The following TBC1D19 variants were observed in gnomAD, a reference collection of about 807,000 sequenced individuals.
TBC1D19 encodes the protein TBC1 domain family, member 19.
Under a neutral mutation model 89.0 loss-of-function variants are expected in TBC1D19, and 60 were observed. The ratio of observed to expected loss-of-function variants is 0.67; its 90% CI spans 0.55 to 0.84. The LOEUF (loss-of-function observed/expected upper bound fraction) is 0.84. Among genes scored for constraint, TBC1D19 ranks in the 40% least tolerant of loss-of-function variants. The pLI, the probability that TBC1D19 is intolerant of heterozygous loss-of-function variation, is 0.00. For missense variants in TBC1D19, 500 were observed against 610.8 expected, an observed-to-expected ratio of 0.82 and a Z score of 1.91; for synonymous variants, 189 against 199.7, an observed-to-expected ratio of 0.95 and a Z score of 0.45.
At chr4:26,616,995 A>G (rs1741739390) in intron 3 of TBC1D19, among the ~76,000 whole-genome samples, 2 of 152,220 alleles carry the variant, frequency 1.3e-5, no homozygotes, top group South Asian at 4.1e-4. Context: ...TATGATCACC[A>G]TTTTACAGAA....
chr4:26,732,043 T>C (rs181412458), intron 15 of TBC1D19, among the ~76,000 whole-genome samples: 130 of 152,334 alleles, frequency 8.5e-4, no homozygotes, highest in African/African-American at 3.0e-3. Context: ...TTTTTTCTTC[T>C]TCTTTCTTAT....
chr4:26,826,344 T>C, the TBC1D19 span, among the ~76,000 whole-genome samples: 1 of 152,330 alleles, frequency 6.6e-6, no homozygotes, highest in East Asian at 1.9e-4. Flanking sequence ...AGCTGCTGGA[T>C]ACATATTCAG....
the TBC1D19 span, among the ~76,000 whole-genome samples, chr4:26,799,162 G>A: frequency 1.3e-5 from 2 of 152,266 alleles, no homozygotes; most frequent in South Asian, 4.2e-4. Flanking sequence ...AGAACATAAA[G>A]AGATACCCCA....
At chr4:26,855,617 A>G in the TBC1D19 span, among the ~76,000 whole-genome samples, 1 of 152,246 alleles carries the variant, frequency 6.6e-6, no homozygotes, top group East Asian at 1.9e-4. Context: ...CAGTCCCTGG[A>G]TGGATTTTCC....
At chr4:26,806,203 A>C in the TBC1D19 span, among the ~76,000 whole-genome samples, 1 of 151,830 alleles carries the variant, frequency 6.6e-6, no homozygotes, top group Non-Finnish European at 1.5e-5. Context: ...CAGCCTTCCT[A>C]TAGTTGCTGT....
intron 5 of TBC1D19, among the ~76,000 whole-genome samples, chr4:26,638,214 A>G (rs778393770): frequency 1.3e-5 from 2 of 151,702 alleles, no homozygotes; most frequent in African/African-American, 2.4e-5. Flanking sequence ...CATTCTCCCT[A>G]CCTGCTATTT....
chr4:26,616,621 A>G (rs188812779), intron 3 of TBC1D19, among the ~76,000 whole-genome samples: 5 of 152,336 alleles, frequency 3.3e-5, no homozygotes, highest in Admixed American at 2.0e-4. Flanking sequence ...TAATAGAGGT[A>G]TAGAACACAT....
the TBC1D19 span, among the ~76,000 whole-genome samples, chr4:26,848,046 G>A: frequency 2.0e-5 from 3 of 152,188 alleles, no homozygotes; most frequent in Non-Finnish European, 4.4e-5. Context: ...TAACGGATTT[G>A]GTAGTCATTA....
intron 13 of TBC1D19, among the ~76,000 whole-genome samples, chr4:26,697,461 G>C (rs1233875982): frequency 6.6e-6 from 1 of 152,098 alleles, no homozygotes; most frequent in Non-Finnish European, 1.5e-5. Flanking sequence ...CATTCCTTCT[G>C]AAACTATTCC....
chr4:26,703,123 C>A (rs1356586279), intron 13 of TBC1D19, among the ~76,000 whole-genome samples: 1 of 152,144 alleles, frequency 6.6e-6, no homozygotes, highest in Non-Finnish European at 1.5e-5. Flanking sequence ...TAATGTGGAT[C>A]TCTATCCCCA....
chr4:26,691,710 A>G (rs1714307886), intron 13 of TBC1D19, among the ~76,000 whole-genome samples: 1 of 152,152 alleles, frequency 6.6e-6, no homozygotes, highest in African/African-American at 2.4e-5. Context: ...GAAACCAGAA[A>G]ATTTGTGTGA....
chr4:26,580,469 G>T (rs1203043657), upstream of TBC1D19, among the ~76,000 whole-genome samples: 1 of 152,210 alleles, frequency 6.6e-6, no homozygotes, highest in Non-Finnish European at 1.5e-5. Context: ...AATGTGAAGA[G>T]ACTCTGAAGA....
chr4:26,748,422 C>T lies in TBC1D19; in HGVS notation c.1331C>T (p.Ser444Leu). 6.2e-7 allele frequency: 1 copy of T among 1,612,830 alleles called. No individual in the cohort carries two copies. The highest frequency in any genetic ancestry group is 8.5e-7 in the Non-Finnish European group (1 of 1,179,236). ...REIGAQPLRI[S>L]FKWMVRAFSG... ...TTCCTTGCTTATAGACTTCGCATAT[C>T]ATTTAAGTGGATGGTTCGAGCTTTC... Residue 444 changes from serine (S) to leucine (L), a missense_variant, in exon 19 of 21, where the codon TCA becomes TTA. Around this residue, in one of 2 missense-constraint regions of TBC1D19, gnomAD observed 220 missense variants for 319.1 expected, o/e 0.69. Coordinates refer to ENST00000264866, the MANE Select transcript of TBC1D19 (RefSeq NM_018317.4).
At chr4:26,847,614 G>A in the TBC1D19 span, among the ~76,000 whole-genome samples, 2 of 152,180 alleles carry the variant, frequency 1.3e-5, no homozygotes, top group Admixed American at 1.3e-4. Context: ...TCATGCAGGG[G>A]CCTGTTGATC....
At chr4:26,778,065 G>A in the TBC1D19 span, among the ~76,000 whole-genome samples, 1 of 151,202 alleles carries the variant, frequency 6.6e-6, no homozygotes, top group Non-Finnish European at 1.5e-5. Context: ...AAAAAAAGAA[G>A]GGGAGGGGAA....
intron 3 of TBC1D19, 27 bp downstream of exon 3, chr4:26,614,480 A>G: frequency 6.4e-7 from 1 of 1,554,162 alleles, no homozygotes; most frequent in Non-Finnish European, 8.7e-7. Flanking sequence ...ATTTTACAAT[A>G]GTATTTTGTT....
rs553970703 is a variant in TBC1D19, at chr4:26,634,706, G to C, written c.295-2505G>C. On this transcript the variant is annotated intron_variant, in intron 4 of 20. Transcript: ENST00000264866. ...ATAGTTTTGTGTATACTTTACGGTAGGAAATGATAAAATAGACTACTAGTA... is the reference window on the plus strand; with the variant it reads ...ATAGTTTTGTGTATACTTTACGGTACGAAATGATAAAATAGACTACTAGTA... Among the ~76,000 whole-genome samples, 274 of 152,072 alleles carry C rather than the reference G, an allele frequency of 1.8e-3. 1 individual carries two copies. The highest frequency in any genetic ancestry group is 6.2e-3 in the African/African-American group (258 of 41,460).
intron 4 of TBC1D19, among the ~76,000 whole-genome samples, chr4:26,621,087 T>C (rs751767511): frequency 1.3e-5 from 2 of 152,250 alleles, no homozygotes; most frequent in Non-Finnish European, 2.9e-5. Flanking sequence ...ATTTAAAATA[T>C]ATTTGTTCTC....
intron 20 of TBC1D19, 142 bp downstream of exon 20, chr4:26,754,032 A>G (rs1719130153): frequency 2.8e-6 from 2 of 707,392 alleles, no homozygotes; most frequent in South Asian, 3.9e-5. Context: ...GTTCTGAGCT[A>G]ATAATACTTA....
Sources: allele counts gnomAD v4.1 joint callset (sites outside exome capture counted in the v4.1 genomes callset), GRCh38; gene constraint gnomAD v4.1.1; regional missense constraint gnomAD v4.1.1; transcripts MANE v1.5; gene names NCBI Gene and HGNC (gene_info 2026-07-23, HGNC 2026-07-21).